Variants in FHIT observed in about 807,000 individuals in gnomAD.
FHIT encodes bis(5'-adenosyl)-triphosphatase.
A neutral mutation model predicts 17.9 loss-of-function variants in FHIT; 19 were observed. The observed-to-expected ratio is 1.06, with a 90% CI of 0.74 to 1.56. The LOEUF (loss-of-function observed/expected upper bound fraction) is 1.56. FHIT is among the 40% of genes most tolerant of loss of function. The pLI, the probability that FHIT is intolerant of heterozygous loss-of-function variation, is 0.00. For synonymous variants in FHIT, 81 were observed against 69.7 expected (o/e 1.16, Z -0.81); for missense variants, 248 against 189.2 (o/e 1.31, Z -1.82).
intron 5 of FHIT, among the ~76,000 whole-genome samples, chr3:60,053,302 C>A (rs1466443394): frequency 6.6e-6 from 1 of 150,764 alleles, no homozygotes; most frequent in Non-Finnish European, 1.5e-5. Flanking sequence ...ACATTTTATT[C>A]TTTCACTTCT....
chr3:59,963,189 C>T (rs2107352121), intron 7 of FHIT, among the ~76,000 whole-genome samples: 1 of 152,102 alleles, frequency 6.6e-6, no homozygotes, highest in East Asian at 1.9e-4. Flanking sequence ...ATGGCGTGAA[C>T]CCAGGAGGTG....
At chr3:59,768,256 A>G (rs929330381) in intron 8 of FHIT, among the ~76,000 whole-genome samples, 14 of 152,234 alleles carry the variant, frequency 9.2e-5, no homozygotes, top group African/African-American at 3.1e-4. Flanking sequence ...TAATCCTTTG[A>G]CATCAAATGC....
chr3:61,098,355 C>CG (rs1430929984), intron 2 of FHIT, among the ~76,000 whole-genome samples: 1 of 152,006 alleles, frequency 6.6e-6, no homozygotes, highest in East Asian at 1.9e-4. Context: ...ACTGTAGCCT[C>CG]GTAGTACAGT....
chr3:60,691,305 A>G (rs949796776), intron 4 of FHIT, among the ~76,000 whole-genome samples: 15 of 150,566 alleles, frequency 1.0e-4, no homozygotes, highest in African/African-American at 3.7e-4. Context: ...TGTTATTTTA[A>G]TTTTTATTGC....
chr3:59,844,624 G>T (rs1701651605), intron 8 of FHIT, among the ~76,000 whole-genome samples: 1 of 152,180 alleles, frequency 6.6e-6, no homozygotes, highest in South Asian at 2.1e-4. Context: ...TATTGTATTG[G>T]TTGATTTTTG....
rs144507061 is a variant in FHIT, at chr3:60,254,575, C to T, written c.104-240423G>A. On this transcript the variant is annotated intron_variant, in intron 5 of 9. Transcript: ENST00000492590. The stretch of plus-strand genomic sequence containing the variant: ...TAACTAAAAGGGTTTGAAAAGTCAT[C>T]GGCCAACAATATTTAATATAACATA... 2.5e-3 allele frequency among the ~76,000 whole-genome samples: 379 copies of T among 152,206 alleles called. 1 individual carries two copies. Among genetic ancestry groups the T allele is most frequent in the African/African-American group, 8.6e-3 (358 of 41,538 alleles).
chr3:61,179,017 T>TTTTC (rs2038244218), intron 2 of FHIT, among the ~76,000 whole-genome samples: 1 of 147,642 alleles, frequency 6.8e-6, no homozygotes, highest in African/African-American at 2.5e-5. Context: ...TCTTTTTTTT[T>TTTTC]TTTTTTTTTT....
intron 5 of FHIT, among the ~76,000 whole-genome samples, chr3:60,161,904 A>T (rs1224480529): frequency 6.6e-6 from 1 of 152,122 alleles, no homozygotes; most frequent in East Asian, 1.9e-4. Flanking sequence ...TCACCCCTTC[A>T]ATGGGCACAA....
At chr3:59,889,706 G>A (rs116670714) in intron 8 of FHIT, among the ~76,000 whole-genome samples, 1,639 of 152,224 alleles carry the variant, frequency 0.011, 36 homozygotes, top group African/African-American at 0.036. Flanking sequence ...TCTTTTTTAC[G>A]TAAGGTCAAA....
At chr3:59,960,899 C>T (rs769519975) in intron 7 of FHIT, among the ~76,000 whole-genome samples, 2 of 152,154 alleles carry the variant, frequency 1.3e-5, no homozygotes, top group East Asian at 3.9e-4. Context: ...CCACATGAGA[C>T]TCCAAATGGT....
intron 3 of FHIT, among the ~76,000 whole-genome samples, chr3:61,027,362 C>T (rs189337724): frequency 1.2e-4 from 19 of 152,366 alleles, no homozygotes; most frequent in Middle Eastern, 3.4e-3. Context: ...GCTGGGATTA[C>T]AGGCTTGTGC....
At chr3:60,523,353 C>A (rs567475579) in intron 5 of FHIT, among the ~76,000 whole-genome samples, 1 of 152,188 alleles carries the variant, frequency 6.6e-6, no homozygotes, top group South Asian at 2.1e-4. Context: ...AAATCTTACT[C>A]TACTTTTTCA....
At chr3:60,505,857 A>G (rs770640623) in intron 5 of FHIT, among the ~76,000 whole-genome samples, 143 of 152,284 alleles carry the variant, frequency 9.4e-4, no homozygotes, top group Admixed American at 1.7e-3. Context: ...GACAACTTCT[A>G]TATTATCATC....
At chr3:60,652,948 C>T (rs1288198101) in intron 4 of FHIT, among the ~76,000 whole-genome samples, 5 of 151,026 alleles carry the variant, frequency 3.3e-5, no homozygotes, top group African/African-American at 7.3e-5. Context: ...CAAAACAAAA[C>T]AAAACAAAAC....
At chr3:60,397,698 C>T (rs1328541939) in intron 5 of FHIT, among the ~76,000 whole-genome samples, 2 of 152,118 alleles carry the variant, frequency 1.3e-5, no homozygotes, top group Non-Finnish European at 2.9e-5. Context: ...CCCAGTGCAA[C>T]CCCACTTCCA....
intron 5 of FHIT, among the ~76,000 whole-genome samples, chr3:60,128,056 G>C (rs1247347678): frequency 1.3e-5 from 2 of 152,178 alleles, no homozygotes; most frequent in Admixed American, 6.5e-5. Context: ...GTATATACAA[G>C]TGCAGAGTAA....
intron 5 of FHIT, among the ~76,000 whole-genome samples, chr3:60,096,859 G>A (rs1015194599): frequency 1.3e-5 from 2 of 152,064 alleles, no homozygotes; most frequent in African/African-American, 4.8e-5. Context: ...GCAGGAGGAT[G>A]CAAGAGGGAA....
chr3:60,092,824 A>C (rs1330446283), intron 5 of FHIT, among the ~76,000 whole-genome samples: 1 of 152,204 alleles, frequency 6.6e-6, no homozygotes, highest in Non-Finnish European at 1.5e-5. Context: ...TAAGGGTCTT[A>C]ATAGCTGATT....
chr3:60,873,631 C>T (rs1704515704), intron 3 of FHIT, among the ~76,000 whole-genome samples: 1 of 152,128 alleles, frequency 6.6e-6, no homozygotes, highest in Non-Finnish European at 1.5e-5. Context: ...TAAATAGTGG[C>T]CTACAGGATG....
Sources: allele counts gnomAD v4.1 joint callset (sites outside exome capture counted in the v4.1 genomes callset), GRCh38; gene constraint gnomAD v4.1.1; transcripts MANE v1.5; gene names NCBI Gene and HGNC (gene_info 2026-07-23, HGNC 2026-07-21).